The following PTPRO variants were observed in gnomAD, a reference collection of about 807,000 sequenced individuals.
PTPRO encodes receptor-type tyrosine-protein phosphatase O.
In PTPRO, 62 loss-of-function variants were observed where a neutral mutation model predicts 145.2. That is an observed-to-expected ratio of 0.43 (90% confidence interval 0.35 to 0.53). The LOEUF is 0.53. PTPRO is among the 20% of genes least tolerant of loss of function. The probability of loss-of-function intolerance (pLI) is 0.01; values close to 1 mark genes in which losing one functional copy is unlikely to be tolerated. For synonymous variants in PTPRO, 565 were observed against 514.7 expected, an observed-to-expected ratio of 1.10 and a Z score of -1.32; for missense variants, 1,345 against 1,482.7, an observed-to-expected ratio of 0.91 and a Z score of 1.53.
chr12:15,493,866 T>C, intron 2 of PTPRO, among the ~76,000 whole-genome samples: 1 of 152,164 alleles, frequency 6.6e-6, no homozygotes, highest in East Asian at 1.9e-4. Flanking sequence ...TTAAAAGCAA[T>C]TACTCTACTA....
intron 1 of PTPRO, among the ~76,000 whole-genome samples, chr12:15,405,226 CT>C (rs1363701810): frequency 6.6e-6 from 1 of 152,130 alleles, no homozygotes; most frequent in African/African-American, 2.4e-5. Context: ...AGTTTCATTG[CT>C]TTATTGTCAT....
chr12:15,423,007 G>T (rs1940188575), intron 1 of PTPRO, among the ~76,000 whole-genome samples: 1 of 152,124 alleles, frequency 6.6e-6, no homozygotes, highest in African/African-American at 2.4e-5. Flanking sequence ...ATATGCAAAG[G>T]GAATTTATGT....
intron 10 of PTPRO, among the ~76,000 whole-genome samples, chr12:15,522,848 G>A (rs937988510): frequency 4.6e-5 from 7 of 152,168 alleles, no homozygotes; most frequent in African/African-American, 1.4e-4. Context: ...CATGTGAGAG[G>A]AAAGATATAT....
intron 1 of PTPRO, among the ~76,000 whole-genome samples, chr12:15,409,188 G>C (rs780468514): frequency 1.2e-4 from 18 of 152,118 alleles, no homozygotes; most frequent in Non-Finnish European, 2.4e-4. Context: ...CAAATATTAT[G>C]CTGCGTCAAA....
chr12:15,483,268 T>G (rs1019523182), intron 1 of PTPRO, among the ~76,000 whole-genome samples: 2 of 152,042 alleles, frequency 1.3e-5, no homozygotes, highest in Non-Finnish European at 2.9e-5. Flanking sequence ...TTAAACCAAT[T>G]CCATGGATGA....
chr12:15,546,426 A>C (rs895053256), intron 12 of PTPRO, 143 bp from the exon 13 acceptor site: 18 of 1,468,272 alleles, frequency 1.2e-5, no homozygotes, highest in Non-Finnish European at 1.6e-5. Flanking sequence ...ATGAAAGGAC[A>C]TATTTCAAAG....
intron 1 of PTPRO, among the ~76,000 whole-genome samples, chr12:15,326,686 G>C (rs1043503608): frequency 6.6e-6 from 1 of 152,202 alleles, no homozygotes; most frequent in South Asian, 2.1e-4. Context: ...GGTTGTAAAA[G>C]AATGTTTGAT....
At chr12:15,492,254 C>A (rs1435338502) in intron 2 of PTPRO, among the ~76,000 whole-genome samples, 1 of 152,110 alleles carries the variant, frequency 6.6e-6, no homozygotes, top group Non-Finnish European at 1.5e-5. Context: ...TCTCAAAACA[C>A]ATGAAGAACT....
intron 15 of PTPRO, among the ~76,000 whole-genome samples, chr12:15,555,901 T>C (rs538605742): frequency 1.5e-4 from 23 of 152,210 alleles, no homozygotes; most frequent in Admixed American, 2.6e-4. Flanking sequence ...ATATTCAATG[T>C]CAATATGTAA....
chr12:15,430,108 G>A (rs866079216), intron 1 of PTPRO, among the ~76,000 whole-genome samples: 1 of 152,026 alleles, frequency 6.6e-6, no homozygotes, highest in Non-Finnish European at 1.5e-5. Flanking sequence ...ATGCAAATCT[G>A]GAACACCGAG....
At chr12:15,546,213 A>T (rs746220977) in intron 12 of PTPRO, 13 of 529,116 alleles carry the variant, frequency 2.5e-5, no homozygotes, top group Non-Finnish European at 3.3e-5. Flanking sequence ...ACCTTTATTA[A>T]GTGCAGATTT....
At chr12:15,524,621 A>G (rs1942799082) in intron 10 of PTPRO, among the ~76,000 whole-genome samples, 193 bp from the exon 11 acceptor site, 1 of 152,098 alleles carries the variant, frequency 6.6e-6, no homozygotes, top group South Asian at 2.1e-4. Context: ...AAGATGTGGG[A>G]TCCCATTAAA....
chr12:15,324,119 T>C (rs1411462697), intron 1 of PTPRO, among the ~76,000 whole-genome samples: 1 of 152,236 alleles, frequency 6.6e-6, no homozygotes. Context: ...ACATCATAAA[T>C]GCATTAGACT....
intron 1 of PTPRO, among the ~76,000 whole-genome samples, chr12:15,395,662 C>G (rs1939316836): frequency 6.6e-6 from 1 of 152,048 alleles, no homozygotes; most frequent in African/African-American, 2.4e-5. Flanking sequence ...AAATTCTAGA[C>G]TACAGCATGA....
intron 19 of PTPRO, among the ~76,000 whole-genome samples, chr12:15,571,256 CAACA>C (rs1345649764): frequency 2.0e-5 from 3 of 151,726 alleles, no homozygotes; most frequent in African/African-American, 7.2e-5. Flanking sequence ...TTCAGTGAAA[CAACA>C]AACAACCTCT....
At chr12:15,391,694 G>A (rs528321156) in intron 1 of PTPRO, among the ~76,000 whole-genome samples, 1 of 152,296 alleles carries the variant, frequency 6.6e-6, no homozygotes, top group South Asian at 2.1e-4. Context: ...GTGACCAAGT[G>A]GTAGCTGTAG....
intron 8 of PTPRO, among the ~76,000 whole-genome samples, chr12:15,516,160 T>G (rs1942579609): frequency 6.6e-6 from 1 of 150,952 alleles, no homozygotes; most frequent in African/African-American, 2.4e-5. Flanking sequence ...CTGGCTAATT[T>G]TTTGTATTTT....
chr12:15,533,851 T>A (rs10846193), intron 12 of PTPRO, among the ~76,000 whole-genome samples: 3 of 151,950 alleles, frequency 2.0e-5, no homozygotes, highest in Admixed American at 1.3e-4. Flanking sequence ...AACCTGCAGT[T>A]CAATTTATCT....
At chr12:15,373,402 T>G (rs1467751163) in intron 1 of PTPRO, among the ~76,000 whole-genome samples, 2 of 152,178 alleles carry the variant, frequency 1.3e-5, no homozygotes, top group Non-Finnish European at 2.9e-5. Context: ...ACTGAAAGAT[T>G]TTTTGAAGAA....
Sources: allele counts gnomAD v4.1 joint callset (sites outside exome capture counted in the v4.1 genomes callset), GRCh38; gene constraint gnomAD v4.1.1; transcripts MANE v1.5; gene names NCBI Gene and HGNC (gene_info 2026-07-23, HGNC 2026-07-21).